The following SLC2A13 variants were observed in gnomAD, a reference collection of about 807,000 sequenced individuals.
SLC2A13 encodes the protein solute carrier family 2 member 13, also known as proton myo-inositol cotransporter.
SLC2A13 carries 32 observed loss-of-function variants against 64.4 expected under a neutral mutation model. The ratio of observed to expected loss-of-function variants is 0.50; its 90% confidence interval spans 0.37 to 0.67. The LOEUF is 0.67. Ranked by LOEUF, SLC2A13 falls within the 30% of genes least tolerant of loss-of-function variation. SLC2A13 has a pLI of 0.00. For synonymous variants in SLC2A13, 338 were observed against 327.1 expected (o/e 1.03, Z -0.36); for missense variants, 743 against 829.2 (o/e 0.90, Z 1.28).
intron 1 of SLC2A13, among the ~76,000 whole-genome samples, chr12:40,067,061 T>C (rs1019195849): frequency 6.6e-6 from 1 of 152,198 alleles, no homozygotes; most frequent in Admixed American, 6.5e-5. Flanking sequence ...ACACTTCATA[T>C]GTAACCATGG....
chr12:39,876,736 TACAG>T (rs1944192782), intron 4 of SLC2A13, among the ~76,000 whole-genome samples: 1 of 152,124 alleles, frequency 6.6e-6, no homozygotes, highest in African/African-American at 2.4e-5. Flanking sequence ...CAGCTCATAA[TACAG>T]ACAATTTTTT....
At chr12:39,806,873 T>C (rs933551211) in intron 7 of SLC2A13, among the ~76,000 whole-genome samples, 1 of 152,160 alleles carries the variant, frequency 6.6e-6, no homozygotes, top group East Asian at 1.9e-4. Context: ...ATATTCATAC[T>C]ATACAATACT....
intron 4 of SLC2A13, among the ~76,000 whole-genome samples, chr12:39,924,127 C>A (rs1945672896): frequency 6.6e-6 from 1 of 152,138 alleles, no homozygotes; most frequent in African/African-American, 2.4e-5. Context: ...TAATAATGTA[C>A]ACTCTTAAAA....
At chr12:40,030,189 C>T (rs1319923202) in intron 2 of SLC2A13, among the ~76,000 whole-genome samples, 9 of 152,202 alleles carry the variant, frequency 5.9e-5, no homozygotes, top group African/African-American at 1.4e-4. Context: ...AATTTACTTG[C>T]TCAGTAATTC....
At chr12:39,845,864 T>G (rs142987313) in intron 6 of SLC2A13, among the ~76,000 whole-genome samples, 344 of 152,254 alleles carry the variant, frequency 2.3e-3, no homozygotes, top group African/African-American at 7.9e-3. Flanking sequence ...GTCCTTTTCT[T>G]CAAGGAAAAT....
chr12:39,957,447 C>A (rs893934771), intron 3 of SLC2A13, among the ~76,000 whole-genome samples: 5 of 152,104 alleles, frequency 3.3e-5, no homozygotes, highest in African/African-American at 1.2e-4. Context: ...ATACTCTGTG[C>A]TCCTTACGAC....
chr12:39,798,870 TATATA>T (rs1198696086), intron 7 of SLC2A13, among the ~76,000 whole-genome samples: 1 of 151,870 alleles, frequency 6.6e-6, no homozygotes, highest in Admixed American at 6.6e-5. Context: ...TTATGTATTT[TATATA>T]ATATAAAAAT....
At chr12:39,984,720 AT>A (rs139044076) in intron 3 of SLC2A13, among the ~76,000 whole-genome samples, 8 of 152,240 alleles carry the variant, frequency 5.3e-5, no homozygotes, top group African/African-American at 1.9e-4. Context: ...CTCTCAGTTA[AT>A]TTTTTTAAGA....
intron 4 of SLC2A13, among the ~76,000 whole-genome samples, chr12:39,873,736 T>A (rs1944114447): frequency 6.6e-6 from 1 of 151,760 alleles, no homozygotes; most frequent in East Asian, 1.9e-4. Flanking sequence ...GAAAGGAGAG[T>A]AGTATAAAAC....
chr12:40,015,462 T>C (rs1374938989), intron 3 of SLC2A13, among the ~76,000 whole-genome samples: 1 of 152,186 alleles, frequency 6.6e-6, no homozygotes, highest in African/African-American at 2.4e-5. Flanking sequence ...ACTTGGCAGG[T>C]AGAGCTTCTC....
chr12:39,961,408 T>G lies in SLC2A13; in HGVS notation c.926-10043A>C, dbSNP rs147755128. ...GAGAATGCTTCCAAAGTTTCATCAG[T>G]AATATCCTTGATGAAAGCTTCTGAT... is the stretch of plus-strand genomic sequence containing the variant. On this transcript the variant is annotated intron_variant, in intron 3 of 9. Transcript: ENST00000280871. Among the ~76,000 whole-genome samples, 531 of 152,280 alleles carry G rather than the reference T, an allele frequency of 3.5e-3. 3 individuals are homozygous for G. Among genetic ancestry groups the G allele is most frequent in the Middle Eastern group, 0.027 (8 of 294 alleles).
At chr12:39,988,807 CAT>C (rs947553066) in intron 3 of SLC2A13, among the ~76,000 whole-genome samples, 38 of 151,946 alleles carry the variant, frequency 2.5e-4, no homozygotes, top group African/African-American at 8.7e-4. Context: ...AGATTTTTAT[CAT>C]ATATAAGTCA....
Position 40,051,836 on chromosome 12 carries a change from G to A in SLC2A13, c.557-3626C>T, listed in dbSNP as rs546398279. On this transcript the variant is annotated intron_variant, in intron 1 of 9. Coordinates refer to ENST00000280871, the MANE Select transcript of SLC2A13 (RefSeq NM_052885.4). ...AAAGGCCAAATTAAGGGCTTAGTGC[G>A]CAGAAGCCTCTGAATAGGGTAGAAG... Among the ~76,000 whole-genome samples the A allele has an allele frequency of 4.6e-5, 7 of 152,266 alleles. No individual in the cohort carries two copies. In the East Asian group the frequency reaches 9.7e-4, roughly 21 times the overall value.
chr12:40,068,104 C>CCT (rs1937807752), intron 1 of SLC2A13: 1 of 179,808 alleles, frequency 5.6e-6, no homozygotes, highest in East Asian at 1.8e-4. Flanking sequence ...GAGACAGGGT[C>CCT]TCACTATGTT....
At chr12:39,836,561 A>G (rs997748902) in intron 6 of SLC2A13, among the ~76,000 whole-genome samples, 3 of 151,150 alleles carry the variant, frequency 2.0e-5, no homozygotes, top group African/African-American at 7.3e-5. Context: ...CCCTGTTTGC[A>G]GACGATATGA....
intron 1 of SLC2A13, among the ~76,000 whole-genome samples, chr12:40,086,718 G>A (rs553942704): frequency 6.6e-6 from 1 of 152,182 alleles, no homozygotes; most frequent in Non-Finnish European, 1.5e-5. Flanking sequence ...AGGAAGAACT[G>A]GGCATTCATA....
chr12:39,851,027 G>A (rs1278802337), intron 6 of SLC2A13, among the ~76,000 whole-genome samples: 1 of 151,922 alleles, frequency 6.6e-6, no homozygotes, highest in East Asian at 1.9e-4. Flanking sequence ...AGCCTCCTGA[G>A]TAGCTGGGAT....
At chr12:40,023,132 T>A (rs1202193789) in intron 3 of SLC2A13, among the ~76,000 whole-genome samples, 1 of 152,230 alleles carries the variant, frequency 6.6e-6, no homozygotes, top group East Asian at 1.9e-4. Context: ...TTCCCTAGCT[T>A]TTTGCAGTGG....
In SLC2A13 at chr12:39,837,153, T is replaced by C. The variant is rs1393208307; in HGVS notation, c.1320-6925A>G. On this transcript the variant is annotated intron_variant, in intron 6 of 9. Transcript: ENST00000280871. Reference sequence around the variant, plus strand: ...GTACCAAAACAGAGATATAGATCAATGGAACAGAACAGAGCCCTCAGAAAT... The same window carrying C: ...GTACCAAAACAGAGATATAGATCAACGGAACAGAACAGAGCCCTCAGAAAT... 5.1e-3 allele frequency among the ~76,000 whole-genome samples: 661 copies of C among 129,158 alleles called. 4 individuals carry two copies. Among genetic ancestry groups the C allele is most frequent in the African/African-American group, 0.019 (622 of 32,022 alleles). The allele number at this position is 129,158 out of a possible 152,430, so 84.7% of individuals were successfully genotyped here.
Sources: gnomAD v4.1 joint callset for allele counts (sites outside exome capture counted in the v4.1 genomes callset) on GRCh38, gnomAD v4.1.1 for gene constraint, MANE v1.5 for transcripts, NCBI Gene and HGNC (gene_info 2026-07-23, HGNC 2026-07-21) for gene names.